Variants in BLTP1 observed in about 807,000 individuals in gnomAD.
The protein encoded by BLTP1 is bridge-like lipid transfer protein family member 1, also known as fragile site-associated protein.
At chr4:122,232,576 C>CAG in the BLTP1 span, among the ~76,000 whole-genome samples, 17 of 151,964 alleles carry the variant, frequency 1.1e-4, no homozygotes, top group African/African-American at 4.1e-4. Context: ...CACTGCACTC[C>CAG]AGCCTGGGCA....
the BLTP1 span, chr4:122,196,495 G>A: frequency 3.2e-6 from 2 of 631,014 alleles, no homozygotes; most frequent in East Asian, 5.8e-5. Flanking sequence ...CTCTGGAAGT[G>A]TTAAATACTA....
chr4:122,178,949 G>A, the BLTP1 span, among the ~76,000 whole-genome samples: 794 of 152,214 alleles, frequency 5.2e-3, 11 homozygotes, highest in African/African-American at 0.017. Flanking sequence ...CCTTAGAAAA[G>A]TATTGAACAA....
At chr4:122,345,029 A>G in the BLTP1 span, 1 of 984,734 alleles carries the variant, frequency 1.0e-6, no homozygotes, top group Non-Finnish European at 1.2e-6. Context: ...TGAGTGTTTA[A>G]AAGTAAATGC....
At chr4:122,240,448 T>C in the BLTP1 span, 6 of 1,069,464 alleles carry the variant, frequency 5.6e-6, no homozygotes, top group Non-Finnish European at 8.0e-6. Flanking sequence ...TCTTTTTAGC[T>C]ACCTTTCTGA....
the BLTP1 span, chr4:122,331,287 A>G: frequency 6.4e-7 from 1 of 1,562,818 alleles, no homozygotes; most frequent in South Asian, 1.2e-5. Context: ...AAGAACTCTC[A>G]TTTTACTACA....
At chr4:122,300,034 C>G in the BLTP1 span, 345 of 693,684 alleles carry the variant, frequency 5.0e-4, 3 homozygotes, top group African/African-American at 5.5e-3. Flanking sequence ...GTTTTTGAGT[C>G]AGTCTCTGTC....
At chr4:122,306,481 G>A in the BLTP1 span, 2 of 757,972 alleles carry the variant, frequency 2.6e-6, no homozygotes, top group Admixed American at 6.3e-5. Flanking sequence ...ACACAGTGGA[G>A]TCAGAGATGT....
chr4:122,348,812 A>G, the BLTP1 span: 1 of 806,312 alleles, frequency 1.2e-6, no homozygotes, highest in Non-Finnish European at 1.9e-6. Context: ...TTGAATGCTA[A>G]ATATTTGAAA....
the BLTP1 span, chr4:122,249,782 C>A: frequency 1.3e-6 from 2 of 1,485,250 alleles, no homozygotes; most frequent in Non-Finnish European, 1.8e-6. Context: ...CCTGAATCAA[C>A]ATAATAAAGC....
At chr4:122,340,818 CTATT>C in the BLTP1 span, 30 of 956,876 alleles carry the variant, frequency 3.1e-5, no homozygotes, top group African/African-American at 3.5e-5. Flanking sequence ...GTTACACTCA[CTATT>C]CATTATAGAA....
At chr4:122,155,558 A>T in the BLTP1 span, among the ~76,000 whole-genome samples, 21 of 152,066 alleles carry the variant, frequency 1.4e-4, no homozygotes, top group African/African-American at 5.1e-4. Context: ...TCCTAACCTC[A>T]AGTGATCCAC....
the BLTP1 span, chr4:122,281,943 C>T: frequency 0.035 from 34,245 of 982,652 alleles, 724 homozygotes; most frequent in East Asian, 0.14. Context: ...ATATCAATCC[C>T]CCACCCCAAA....
chr4:122,253,441 T>A, the BLTP1 span, among the ~76,000 whole-genome samples: 1 of 152,066 alleles, frequency 6.6e-6, no homozygotes, highest in Non-Finnish European at 1.5e-5. Context: ...TCTTATTAGA[T>A]AAATTTGACA....
the BLTP1 span, chr4:122,282,189 T>C: frequency 4.2e-5 from 21 of 497,002 alleles, no homozygotes; most frequent in Admixed American, 5.8e-4. Context: ...CTTATATTAA[T>C]ATATCCTATC....
At chr4:122,153,130 T>C in the BLTP1 span, 1 of 713,934 alleles carries the variant, frequency 1.4e-6, no homozygotes, top group Non-Finnish European at 1.7e-6. Context: ...AGAAGTTGAT[T>C]TTTCTTCCGG....
chr4:122,229,788 C>G, the BLTP1 span: 1 of 1,305,584 alleles, frequency 7.7e-7, no homozygotes, highest in African/African-American at 1.5e-5. Flanking sequence ...CCATTTTTTC[C>G]TTTTTTATTT....
chr4:122,246,730 G>T, the BLTP1 span: 110 of 1,612,670 alleles, frequency 6.8e-5, no homozygotes, highest in Non-Finnish European at 8.9e-5. Context: ...CTCCAACTAC[G>T]GCTCCTAGTA....
At chr4:122,354,580 C>T in the BLTP1 span, among the ~76,000 whole-genome samples, 2 of 150,952 alleles carry the variant, frequency 1.3e-5, no homozygotes, top group East Asian at 3.9e-4. Flanking sequence ...ATTGCTTTTA[C>T]CAATTATCTC....
chr4:122,288,813 A>G, the BLTP1 span: 1 of 326,866 alleles, frequency 3.1e-6, no homozygotes, highest in Non-Finnish European at 4.4e-6. Context: ...CAAGTTAAAT[A>G]TATAACTTCG....
Sources: gnomAD v4.1 joint callset for allele counts (sites outside exome capture counted in the v4.1 genomes callset) on GRCh38, gnomAD v4.1.1 for gene constraint, MANE v1.5 for transcripts, NCBI Gene and HGNC (gene_info 2026-07-23, HGNC 2026-07-21) for gene names.